FOXK1: variants seen among roughly 807,000 people sequenced by gnomAD.
The protein encoded by FOXK1 is forkhead box K1, also known as forkhead box protein K1.
FOXK1 carries 19 observed loss-of-function variants against 51.9 expected under a neutral mutation model. That is an observed-to-expected ratio of 0.37 (90% CI 0.26 to 0.54). The LOEUF (loss-of-function observed/expected upper bound fraction) is 0.54, where lower values mean the gene tolerates loss of function less well. FOXK1 is among the 20% of genes least tolerant of loss of function. The pLI, the probability that FOXK1 is intolerant of heterozygous loss-of-function variation, is 0.87. For synonymous variants in FOXK1, 537 were observed against 482.6 expected, an observed-to-expected ratio of 1.11 and a Z score of -1.48; for missense variants, 870 against 1,032.7, an observed-to-expected ratio of 0.84 and a Z score of 2.16.
chr7:4,770,607 A>T lies in FOXK1; in HGVS notation c.*8143A>T, dbSNP rs1246890454. On this transcript the variant is annotated 3_prime_UTR_variant, in exon 9 of 9. Coordinates refer to ENST00000328914, the MANE Select transcript of FOXK1 (RefSeq NM_001037165.2). ...GAAAGGCTTTTTGGATACCTAGAATACCTTCATGTATGTGGCTTGATTTCT... is the reference window on the plus strand; with the variant it reads ...GAAAGGCTTTTTGGATACCTAGAATTCCTTCATGTATGTGGCTTGATTTCT... 3 of 152,042 alleles carry T rather than the reference A, an allele frequency of 2.0e-5. No homozygotes were observed. The highest frequency in any genetic ancestry group is 4.4e-5 in the Non-Finnish European group (3 of 68,012). The allele number at this position is 152,042 out of a possible 1,614,324, so 9.4% of individuals were successfully genotyped here.
rs114948797 is a variant in FOXK1 at position 4,756,170 on chromosome 7, G to A, written c.1050+787G>A. Among the ~76,000 whole-genome samples, 1,605 of 152,188 alleles carry A rather than the reference G, an allele frequency of 0.011. 25 individuals carry two copies. Among genetic ancestry groups the A allele is most frequent in the African/African-American group, 0.037 (1,537 of 41,536 alleles). ...CGCTCTGCCATCCCGGCTGGAGTGT[G>A]GTGGCGCGATCTCAGCTCACTGCAA... On this transcript the variant is annotated intron_variant, in intron 4 of 8. Coordinates refer to ENST00000328914, the MANE Select transcript of FOXK1 (RefSeq NM_001037165.2). This position sits in a 1 kb window ranked among gnomAD's most constrained non-coding sequence, Gnocchi z 4.1.
rs557792752 is a variant in FOXK1 at position 4,748,077 on chromosome 7, C to T, written c.747-6382C>T. Among the ~76,000 whole-genome samples the T allele has an allele frequency of 9.8e-5, 15 of 152,302 alleles. No individual in the cohort carries two copies. The highest frequency in any genetic ancestry group is 2.4e-4 in the African/African-American group (10 of 41,570). On this transcript the variant is annotated intron_variant, in intron 2 of 8. Coordinates refer to ENST00000328914, the MANE Select transcript of FOXK1 (RefSeq NM_001037165.2). The surrounding 1 kb of genome is among the most constrained non-coding windows in gnomAD (Gnocchi z 4.9). ...TTCTTTAAGATCATTCTAAGAAATT[C>T]GCCTCTGAAAATTTTCTTTCCCTAT...
At chr7:4,741,325 T>A (rs1780631249) in intron 2 of FOXK1, among the ~76,000 whole-genome samples, 1 of 128,566 alleles carries the variant, frequency 7.8e-6, no homozygotes, top group Non-Finnish European at 1.5e-5. Context: ...TTGAAAATGT[T>A]TTTTTTTTGT....
At chr7:4,698,899 G>T (rs967496182) in intron 1 of FOXK1, among the ~76,000 whole-genome samples, 1 of 152,126 alleles carries the variant, frequency 6.6e-6, no homozygotes, top group Non-Finnish European at 1.5e-5. Flanking sequence ...TGTTGCCCAG[G>T]CTGGTCTCAA....
chr7:4,703,370 G>A lies in FOXK1; in HGVS notation c.560+20502G>A, dbSNP rs1780043844. Among the ~76,000 whole-genome samples, 1 of 152,198 alleles carries A rather than the reference G, an allele frequency of 6.6e-6. No individual in the cohort carries two copies. The highest frequency in any genetic ancestry group is 2.4e-5 in the African/African-American group (1 of 41,458). On this transcript the variant is annotated intron_variant, in intron 1 of 8. Transcript: ENST00000328914. The surrounding 1 kb of genome is among the most constrained non-coding windows in gnomAD (Gnocchi z 5.6). The stretch of plus-strand genomic sequence containing the variant: ...GGCGTTGTGACAGCCTGGCTCTCAG[G>A]GGATGGGAGGACAACTCGCTGAAGT...
rs1236763515 is a variant in FOXK1, at chr7:4,735,468, A to C, written c.561-5370A>C. Among the ~76,000 whole-genome samples the C allele has an allele frequency of 6.6e-6, 1 of 151,782 alleles. No homozygotes were observed. Among genetic ancestry groups the C allele is most frequent in the African/African-American group, 2.4e-5 (1 of 41,316 alleles). ...AAGTCAACTTCGGAACATTTTCCTGACTCTAGAAAGAACCCCCTAGCTCTT... is the reference window on the plus strand; with the variant it reads ...AAGTCAACTTCGGAACATTTTCCTGCCTCTAGAAAGAACCCCCTAGCTCTT... On this transcript the variant is annotated intron_variant, in intron 1 of 8. Transcript: ENST00000328914. This position sits in a 1 kb window ranked among gnomAD's most constrained non-coding sequence, Gnocchi z 4.7.
intron 1 of FOXK1, among the ~76,000 whole-genome samples, chr7:4,717,681 C>T (rs551249957): frequency 6.6e-6 from 1 of 152,284 alleles, no homozygotes; most frequent in African/African-American, 2.4e-5. Context: ...CCTCACTGCC[C>T]GCCTGGTCCT....
chr7:4,741,390 G>A (rs188373400), intron 2 of FOXK1, among the ~76,000 whole-genome samples: 38 of 152,128 alleles, frequency 2.5e-4, no homozygotes, highest in Non-Finnish European at 3.7e-4. Context: ...GAGCAGTGGC[G>A]CGATCTCGGC....
At position 4,761,811 on chromosome 7, in the gene FOXK1, TTGGGGTGC is replaced by T. The variant is rs1455103894; in HGVS notation, c.1922-364_1922-357del. On this transcript the variant is annotated intron_variant, in intron 8 of 8. Transcript: ENST00000328914. This position sits in a 1 kb window ranked among gnomAD's most constrained non-coding sequence, Gnocchi z 6.2. The stretch of plus-strand genomic sequence containing the variant: ...CAAGAGGTCAAAGGAAGGAGGAGAG[TTGGGGTGC>T]TGGGGTGCAAGGGTGCTGGGCGGGG... Among the ~76,000 whole-genome samples, 1 of 150,836 alleles carries T rather than the reference TTGGGGTGC, an allele frequency of 6.6e-6. No individual in the cohort carries two copies. The highest frequency in any genetic ancestry group is 2.4e-5 in the African/African-American group (1 of 40,884).
intron 1 of FOXK1, among the ~76,000 whole-genome samples, chr7:4,728,297 C>T (rs1455921025): frequency 6.6e-6 from 1 of 152,236 alleles, no homozygotes; most frequent in African/African-American, 2.4e-5. Context: ...AAAGTCTAAT[C>T]ATTTCTCTGT....
In FOXK1 at chr7:4,762,211, C is replaced by T. The variant is rs765696483; in HGVS notation, c.1949C>T (p.Ala650Val). 7.1e-6 allele frequency: 11 copies of T among 1,554,544 alleles called. No homozygotes were observed. Among genetic ancestry groups the T allele is most frequent in the South Asian group, 2.4e-5 (2 of 84,190 alleles). The change falls in exon 9 of 9, where the codon GCG becomes GTG. Residue 650 changes from alanine (A) to valine (V), a missense_variant. By Grantham distance (64) the Ala-to-Val change is moderately conservative. This residue lies in a region of FOXK1 where 457 missense variants were observed against 510.8 expected (regional missense o/e 0.89). Transcript: ENST00000328914. The surrounding 1 kb of genome is among the most constrained non-coding windows in gnomAD (Gnocchi z 5.7). ...YALTSPLQLL[A>V]TQASSSAPVV... Reference sequence around the variant, plus strand: ...CTCACCAGCCCTTTGCAGCTCCTTGCGACCCAAGCGAGTTCATCCGCGCCG... The same window carrying T: ...CTCACCAGCCCTTTGCAGCTCCTTGTGACCCAAGCGAGTTCATCCGCGCCG...
At chr7:4,704,887 A>C (rs1780064062) in intron 1 of FOXK1, among the ~76,000 whole-genome samples, 2 of 143,546 alleles carry the variant, frequency 1.4e-5, no homozygotes, top group African/African-American at 5.5e-5. Context: ...GCTGGAGTGC[A>C]GTGGCATGAA....
In FOXK1 at chr7:4,756,231, C is replaced by A. The variant is rs1293770893; in HGVS notation, c.1051-763C>A. 6.6e-6 allele frequency among the ~76,000 whole-genome samples: 1 copy of A among 152,166 alleles called. No individual in the cohort carries two copies. Among genetic ancestry groups the A allele is most frequent in the African/African-American group, 2.4e-5 (1 of 41,464 alleles). The stretch of plus-strand genomic sequence containing the variant: ...CCAGGTTCAAGCGATTCTTCTGCTT[C>A]AGCCTCCCAAGTAGCTGGGGCTACA... On this transcript the variant is annotated intron_variant, in intron 4 of 8. Coordinates refer to ENST00000328914, the MANE Select transcript of FOXK1 (RefSeq NM_001037165.2). The surrounding 1 kb of genome is among the most constrained non-coding windows in gnomAD (Gnocchi z 4.1).
At chr7:4,700,649 C>CTACAAAAAT (rs560096108) in intron 1 of FOXK1, among the ~76,000 whole-genome samples, 1 of 152,042 alleles carries the variant, frequency 6.6e-6, no homozygotes. Context: ...AACCCCGTCT[C>CTACAAAAAT]TACAAAAATT....
At chr7:4,740,437 A>T (rs1249969357) in intron 1 of FOXK1, among the ~76,000 whole-genome samples, 4 of 146,674 alleles carry the variant, frequency 2.7e-5, no homozygotes, top group Admixed American at 6.8e-5. Flanking sequence ...CTCAAAAAAA[A>T]AAAATAAATA....
rs529649416 is a variant in FOXK1, at chr7:4,697,321, C to T, written c.560+14453C>T. On this transcript the variant is annotated intron_variant, in intron 1 of 8. Transcript: ENST00000328914. ...GTGCTCAGGAAGAAGATGACAGTGG[C>T]CTGCTGAACAGCTAGCCGGTATTCA... Among the ~76,000 whole-genome samples, 77 of 152,346 alleles carry T rather than the reference C, an allele frequency of 5.1e-4. 1 individual carries two copies. The highest frequency in any genetic ancestry group is 1.7e-3 in the African/African-American group (70 of 41,580).
chr7:4,741,201 A>T (rs1477791914), intron 2 of FOXK1, among the ~76,000 whole-genome samples, 178 bp downstream of exon 2: 3 of 152,236 alleles, frequency 2.0e-5, no homozygotes, highest in Non-Finnish European at 2.9e-5. Context: ...ATTCTCTTAC[A>T]AAGGGAAAAA....
Position 4,762,239 on chromosome 7 carries a change from G to A in FOXK1, c.1977G>A (p.Val659=). The A allele has an allele frequency of 6.4e-7, 1 of 1,553,806 alleles. No individual in the cohort carries two copies. The highest frequency in any genetic ancestry group is 8.7e-7 in the Non-Finnish European group (1 of 1,148,144). Residue 659 remains valine, a synonymous_variant, in exon 9 of 9, where the codon GTG becomes GTA. Transcript: ENST00000328914. The surrounding 1 kb of genome is among the most constrained non-coding windows in gnomAD (Gnocchi z 5.7). ...LATQASSSAP[V]VVTRVCEVGP... ...CCCAAGCGAGTTCATCCGCGCCGGT[G>A]GTGGTCACCCGGGTGTGCGAGGTGG...
chr7:4,751,643 C>T (rs1197341823), intron 2 of FOXK1, among the ~76,000 whole-genome samples: 10 of 152,218 alleles, frequency 6.6e-5, no homozygotes, highest in Non-Finnish European at 8.8e-5. Flanking sequence ...GGCCCGCCTG[C>T]GGAGGACAGT....
Sources: allele counts gnomAD v4.1 joint callset (sites outside exome capture counted in the v4.1 genomes callset), GRCh38; gene constraint gnomAD v4.1.1; regional missense constraint gnomAD v4.1.1; non-coding constraint Gnocchi (gnomAD v3.1); transcripts MANE v1.5; gene names NCBI Gene and HGNC (gene_info 2026-07-23, HGNC 2026-07-21).